Variants in ANOS1 observed in about 807,000 individuals in gnomAD.
ANOS1 encodes the protein anosmin 1, also known as anosmin-1.
A neutral mutation model predicts 59.0 loss-of-function variants in ANOS1; 6 were observed. The observed-to-expected ratio is 0.10, with a 90% confidence interval of 0.06 to 0.20. The LOEUF is 0.20. Among genes scored for constraint, ANOS1 ranks in the 10% least tolerant of loss-of-function variants. ANOS1 has a pLI of 1.00. For synonymous variants in ANOS1, 217 were observed against 223.4 expected, an observed-to-expected ratio of 0.97 and a Z score of 0.25; for missense variants, 433 against 542.3, an observed-to-expected ratio of 0.80 and a Z score of 2.00.
chrX:8,642,876 G>A (rs1931688957), intron 2 of ANOS1, among the ~76,000 whole-genome samples: 3 of 111,808 alleles, frequency 2.7e-5, no homozygotes, highest in Admixed American at 9.5e-5. Flanking sequence ...AGAGTCATGA[G>A]CCATATAGCA....
intron 1 of ANOS1, among the ~76,000 whole-genome samples, chrX:8,724,614 G>A (rs1386605248): frequency 8.9e-6 from 1 of 112,453 alleles, no homozygotes; most frequent in Non-Finnish European, 1.9e-5. Context: ...ATCGGCCAAA[G>A]GTTATTCCCT....
At chrX:8,727,120 A>G (rs1932927068) in intron 1 of ANOS1, among the ~76,000 whole-genome samples, 1 of 112,298 alleles carries the variant, frequency 8.9e-6, no homozygotes, top group South Asian at 3.7e-4. Context: ...TGCAATGGCC[A>G]TGCTGAAATT....
rs1018158936 is a variant in ANOS1, at chrX:8,585,515, C to T, written c.727-119G>A. On this transcript the variant is annotated intron_variant, in intron 5 of 13. Coordinates refer to ENST00000262648, the MANE Select transcript of ANOS1 (RefSeq NM_000216.4). The stretch of plus-strand genomic sequence containing the variant: ...CCAATGCAACTCAGTCTGTCTTCCC[C>T]CTGATAAGAGGGGCTTATCATGCCC... 2.1e-5 allele frequency: 17 copies of T among 825,449 alleles called. No homozygotes were observed. In the Middle Eastern group the frequency reaches 9.4e-4, roughly 46 times the overall value. The allele number at this position is 825,449 out of a possible 1,213,427, so 68.0% of individuals were successfully genotyped here. A position where few individuals can be genotyped will look rare whatever the true frequency, so the allele number is the denominator to read the frequency against.
chrX:8,706,000 A>C (rs1932777442), intron 1 of ANOS1, among the ~76,000 whole-genome samples: 1 of 112,208 alleles, frequency 8.9e-6, no homozygotes, highest in African/African-American at 3.2e-5. Flanking sequence ...AGTTCAATCA[A>C]CTGCACCCAG....
intron 1 of ANOS1, among the ~76,000 whole-genome samples, chrX:8,711,550 A>G (rs1453463351): frequency 2.7e-5 from 3 of 112,742 alleles, no homozygotes; most frequent in Non-Finnish European, 5.6e-5. Context: ...GATGTCTATG[A>G]AAACCACCTG....
At chrX:8,588,009 C>A in intron 4 of ANOS1, 31 bp from the exon 5 acceptor site, 1 of 1,120,261 alleles carries the variant, frequency 8.9e-7, no homozygotes, top group South Asian at 1.9e-5. Context: ...TTAAAACAAT[C>A]TGCGTGTGAC....
rs189261234 is a variant in ANOS1, at chrX:8,694,407, G to A, written c.255+5291C>T. Among the ~76,000 whole-genome samples, 240 of 112,628 alleles carry A rather than the reference G, an allele frequency of 2.1e-3. 1 individual carries two copies. Among genetic ancestry groups the A allele is most frequent in the African/African-American group, 6.7e-3 (209 of 31,065 alleles). ...TAATAGGTCGGGCATGGTGGCTCAC[G>A]CCTGTAATCCCAGCACTTTGGGAGG... On this transcript the variant is annotated intron_variant, in intron 2 of 13. Coordinates refer to ENST00000262648, the MANE Select transcript of ANOS1 (RefSeq NM_000216.4).
At chrX:8,651,464 G>A (rs1465997644) in intron 2 of ANOS1, among the ~76,000 whole-genome samples, 1 of 112,265 alleles carries the variant, frequency 8.9e-6, no homozygotes, top group East Asian at 2.8e-4. Flanking sequence ...ACTACTTGGG[G>A]AAAATTAAAG....
At position 8,647,692 on chromosome X, in the gene ANOS1, T is replaced by C. The variant is rs1282456095; in HGVS notation, c.256-24022A>G. 6.2e-5 allele frequency among the ~76,000 whole-genome samples: 7 copies of C among 112,022 alleles called. No homozygotes were observed. The East Asian group carries it at 1.7e-3, about 27-fold the overall frequency. ...GAGTGAGTTGAGTGTATTGCCAGCTTAGAAACTATTTTAGAGACATTTTTC... is the reference window on the plus strand; with the variant it reads ...GAGTGAGTTGAGTGTATTGCCAGCTCAGAAACTATTTTAGAGACATTTTTC... On this transcript the variant is annotated intron_variant, in intron 2 of 13. Transcript: ENST00000262648.
chrX:8,663,117 C>T (rs942943945), intron 2 of ANOS1, among the ~76,000 whole-genome samples: 2 of 111,845 alleles, frequency 1.8e-5, no homozygotes, highest in Admixed American at 1.9e-4. Flanking sequence ...TCATCCCTCC[C>T]TCATAGCCCT....
chrX:8,603,795 G>C (rs5978914), intron 3 of ANOS1, among the ~76,000 whole-genome samples: 40,843 of 111,055 alleles, frequency 0.37, 5,392 homozygotes, highest in Middle Eastern at 0.43. Flanking sequence ...CCTTTGCAAA[G>C]AGTCAGGGAA....
chrX:8,637,892 T>C (rs1165161288), intron 2 of ANOS1, among the ~76,000 whole-genome samples: 1 of 112,461 alleles, frequency 8.9e-6, no homozygotes, highest in Non-Finnish European at 1.9e-5. Flanking sequence ...TTCTTGCTTG[T>C]GCCTTGTTCA....
Position 8,702,425 on chromosome X carries a change from G to C in ANOS1, c.208-2680C>G, listed in dbSNP as rs959211623. Among the ~76,000 whole-genome samples the C allele has an allele frequency of 5.4e-5, 6 of 111,755 alleles. No homozygotes were observed. The South Asian group carries it at 1.1e-3, about 21-fold the overall frequency. On this transcript the variant is annotated intron_variant, in intron 1 of 13. Transcript: ENST00000262648. Reference sequence around the variant, plus strand: ...TTCAGAGGGGCCAGGCTGACTAGGGGATGGTCATAAACAGTGTGACAACTG... The same window carrying C: ...TTCAGAGGGGCCAGGCTGACTAGGGCATGGTCATAAACAGTGTGACAACTG...
chrX:8,581,682 G>A (rs1930427562), intron 6 of ANOS1, among the ~76,000 whole-genome samples: 1 of 111,901 alleles, frequency 8.9e-6, no homozygotes, highest in Non-Finnish European at 1.9e-5. Context: ...CTAACAAGAT[G>A]CTGCCACATC....
chrX:8,615,417 C>T (rs1377340960), intron 3 of ANOS1, among the ~76,000 whole-genome samples: 3 of 108,733 alleles, frequency 2.8e-5, no homozygotes, highest in Non-Finnish European at 5.7e-5. Context: ...GTGGCAGGTG[C>T]CTGTAATCCC....
chrX:8,710,375 G>T (rs182954754), intron 1 of ANOS1, among the ~76,000 whole-genome samples: 1 of 111,692 alleles, frequency 9.0e-6, no homozygotes, highest in East Asian at 2.8e-4. Flanking sequence ...TGGGCATTCC[G>T]GTCTCTGTCA....
chrX:8,576,721 G>A (rs1930333898), intron 6 of ANOS1, among the ~76,000 whole-genome samples: 1 of 110,564 alleles, frequency 9.0e-6, no homozygotes, highest in Non-Finnish European at 1.9e-5. Context: ...AACAAGGAGC[G>A]TGAGAACAAA....
At chrX:8,609,027 G>A (rs917635989) in intron 3 of ANOS1, among the ~76,000 whole-genome samples, 12 of 112,090 alleles carry the variant, frequency 1.1e-4, no homozygotes, top group African/African-American at 3.6e-4. Flanking sequence ...TAGTTTCCTC[G>A]TTATGAACAA....
chrX:8,605,624 C>T (rs1279264378), intron 3 of ANOS1, among the ~76,000 whole-genome samples: 3 of 77,643 alleles, frequency 3.9e-5, no homozygotes, highest in African/African-American at 1.6e-4. Flanking sequence ...CTAGACTGGG[C>T]GACAGAAGGA....
Sources: gnomAD v4.1 joint callset for allele counts (sites outside exome capture counted in the v4.1 genomes callset) on GRCh38, gnomAD v4.1.1 for gene constraint, MANE v1.5 for transcripts, NCBI Gene and HGNC (gene_info 2026-07-23, HGNC 2026-07-21) for gene names.